RBPJ: variants seen among roughly 807,000 people sequenced by gnomAD.
RBPJ encodes the protein recombining binding protein suppressor of hairless.
A neutral mutation model predicts 67.8 loss-of-function variants in RBPJ; 9 were observed. The observed-to-expected ratio is 0.13, with a 90% CI of 0.08 to 0.23. The LOEUF is 0.23. Among genes scored for constraint, RBPJ ranks in the 10% least tolerant of loss-of-function variants. The pLI is 1.00. For missense variants in RBPJ, 305 were observed against 595.6 expected (o/e 0.51, Z 5.08); for synonymous variants, 198 against 203.3 (o/e 0.97, Z 0.22).
intron 1 of RBPJ, among the ~76,000 whole-genome samples, chr4:26,254,020 A>C (rs1326013294): frequency 6.7e-6 from 1 of 148,948 alleles, no homozygotes; most frequent in Non-Finnish European, 1.5e-5. Context: ...CATTATTAAT[A>C]ATAAGAACAT....
chr4:26,399,364 ACCTTTACG>A (rs1371479325), intron 2 of RBPJ, among the ~76,000 whole-genome samples: 2 of 152,074 alleles, frequency 1.3e-5, no homozygotes, highest in Admixed American at 1.3e-4. Context: ...GTTCTCTTTT[ACCTTTACG>A]CGGGGACCAG....
intron 1 of RBPJ, among the ~76,000 whole-genome samples, chr4:26,208,877 C>T (rs1293829813): frequency 1.3e-5 from 2 of 152,080 alleles, no homozygotes; most frequent in Non-Finnish European, 2.9e-5. Context: ...GGCCATTTAG[C>T]CCTAACCTAG....
chr4:26,160,198 G>A (rs764744613), upstream of RBPJ, among the ~76,000 whole-genome samples: 48 of 152,242 alleles, frequency 3.2e-4, 1 homozygote, highest in Admixed American at 1.6e-3. Context: ...GATTACAGGC[G>A]TGAGCCACCG....
At chr4:26,111,661 G>A in the RBPJ span, among the ~76,000 whole-genome samples, 9 of 152,228 alleles carry the variant, frequency 5.9e-5, no homozygotes, top group Non-Finnish European at 1.2e-4. Flanking sequence ...GGTCGCACAT[G>A]ACAAGGGAGT....
At chr4:26,166,282 G>A (rs1716293811) in intron 1 of RBPJ, among the ~76,000 whole-genome samples, 2 of 114,786 alleles carry the variant, frequency 1.7e-5, no homozygotes, top group Non-Finnish European at 3.6e-5. Flanking sequence ...AGATCCCTGA[G>A]GAATCGCCAC....
chr4:26,420,406 T>G, intron 4 of RBPJ, 145 bp from the exon 5 acceptor site: 1 of 516,280 alleles, frequency 1.9e-6, no homozygotes. Flanking sequence ...GTAATTTTTA[T>G]AGTTGATAAT....
At chr4:26,356,763 A>C (rs1275292341) in intron 1 of RBPJ, among the ~76,000 whole-genome samples, 1 of 152,212 alleles carries the variant, frequency 6.6e-6, no homozygotes, top group Non-Finnish European at 1.5e-5. Context: ...ACTGCAGTGA[A>C]TATCTTCGTG....
the RBPJ span, among the ~76,000 whole-genome samples, chr4:26,126,330 A>G: frequency 6.6e-6 from 1 of 152,200 alleles, no homozygotes. Context: ...CCCAACCCCA[A>G]CTTCCTCCTA....
At chr4:26,356,002 G>A (rs1242410194) in intron 1 of RBPJ, among the ~76,000 whole-genome samples, 5 of 152,162 alleles carry the variant, frequency 3.3e-5, no homozygotes, top group Non-Finnish European at 5.9e-5. Context: ...TTTTGTTAAG[G>A]AATACCTGAG....
intron 4 of RBPJ, among the ~76,000 whole-genome samples, chr4:26,418,512 TTTG>T (rs1734810287): frequency 6.6e-6 from 1 of 152,202 alleles, no homozygotes; most frequent in African/African-American, 2.4e-5. Flanking sequence ...TATATGTGTG[TTTG>T]TTTTTTCCGA....
Position 26,380,222 on chromosome 4 carries a change from G to A in RBPJ, c.21-6131G>A, listed in dbSNP as rs145139796. Among the ~76,000 whole-genome samples the A allele has an allele frequency of 3.6e-4, 54 of 152,078 alleles. 1 individual carries two copies. The highest frequency in any genetic ancestry group is 4.6e-4 in the Admixed American group (7 of 15,290). ...TAACCTCTTCAATCATATTCAATAG[G>A]TACAATATTTAAGTAGTTTCTGAAT... On this transcript the variant is annotated intron_variant, in intron 1 of 10. Transcript: ENST00000355476.
At chr4:26,329,490 A>G (rs1406366803) in intron 1 of RBPJ, among the ~76,000 whole-genome samples, 1 of 152,182 alleles carries the variant, frequency 6.6e-6, no homozygotes, top group Non-Finnish European at 1.5e-5. Flanking sequence ...CACTAAAATA[A>G]GTTTGTGGCT....
At chr4:26,295,245 AGTGTGT>A (rs71932374) in intron 1 of RBPJ, among the ~76,000 whole-genome samples, 7 of 147,124 alleles carry the variant, frequency 4.8e-5, no homozygotes, top group South Asian at 2.2e-4. Context: ...AGGGTGCATC[AGTGTGT>A]GTGTGTGTGT....
At chr4:26,404,944 T>C (rs2109738272) in intron 2 of RBPJ, among the ~76,000 whole-genome samples, 1 of 152,364 alleles carries the variant, frequency 6.6e-6, no homozygotes, top group South Asian at 2.1e-4. Flanking sequence ...TTGGTGCTTT[T>C]TGTACATATC....
chr4:26,215,198 AAGAG>A (rs1166696495), intron 1 of RBPJ, among the ~76,000 whole-genome samples: 4 of 35,700 alleles, frequency 1.1e-4, no homozygotes, highest in Non-Finnish European at 2.0e-4. Context: ...AGGAAGGAAA[AAGAG>A]AGAGAAAGAA....
At chr4:26,109,782 A>G in the RBPJ span, among the ~76,000 whole-genome samples, 1 of 150,342 alleles carries the variant, frequency 6.7e-6, no homozygotes, top group East Asian at 1.9e-4. Context: ...TATTAAAAAA[A>G]ACGATTAAAG....
the RBPJ span, among the ~76,000 whole-genome samples, chr4:26,114,501 A>ATATATATATATATATATATATATATATG: frequency 2.1e-5 from 3 of 144,660 alleles, no homozygotes; most frequent in African/African-American, 8.0e-5. Flanking sequence ...ATATATATGT[A>ATATATATATATATATATATATATATATG]TGTGTGTGTG....
chr4:26,162,857 G>A (rs998860145), upstream of RBPJ, among the ~76,000 whole-genome samples: 3 of 152,190 alleles, frequency 2.0e-5, no homozygotes, highest in Non-Finnish European at 4.4e-5. Context: ...AGGCTCACAA[G>A]TGTCTGGAGG....
At chr4:26,109,448 CTCTCTCTCTCTCTATATATATATATA>C in the RBPJ span, among the ~76,000 whole-genome samples, 5 of 26,330 alleles carry the variant, frequency 1.9e-4, no homozygotes, top group Admixed American at 4.1e-4. Flanking sequence ...CTCTCTCTCT[CTCTCTCTCTCTCTATATATATATATA>C]TATATATATA....
Sources: gnomAD v4.1 joint callset for allele counts (sites outside exome capture counted in the v4.1 genomes callset) on GRCh38, gnomAD v4.1.1 for gene constraint, MANE v1.5 for transcripts, NCBI Gene and HGNC (gene_info 2026-07-23, HGNC 2026-07-21) for gene names.